The following WDR38 variants were observed in gnomAD, a reference collection of about 807,000 sequenced individuals.
WDR38 encodes the protein WD repeat-containing protein 38.
In WDR38, 37 loss-of-function variants were observed where a neutral mutation model predicts 36.6. That is an observed-to-expected ratio of 1.01 (90% CI 0.78 to 1.33). The LOEUF (loss-of-function observed/expected upper bound fraction) is 1.33. WDR38 is among the 40% of genes most tolerant of loss of function. The probability of loss-of-function intolerance (pLI) is 0.00; values close to 1 mark genes in which losing one functional copy is unlikely to be tolerated. For missense variants in WDR38, 411 were observed against 414.6 expected, an observed-to-expected ratio of 0.99 and a Z score of 0.07; for synonymous variants, 164 against 168.1, an observed-to-expected ratio of 0.98 and a Z score of 0.19.
chr9:124,853,782 C>G (rs546994809), intron 1 of WDR38, among the ~76,000 whole-genome samples, 182 bp downstream of exon 1: 1 of 152,280 alleles, frequency 6.6e-6, no homozygotes, highest in Non-Finnish European at 1.5e-5. Context: ...GGCCCCAGCT[C>G]CAGAGCAGCT....
rs373305974 is a variant in WDR38, at chr9:124,855,838, C to T, written c.308-23C>T. 2.4e-5 allele frequency: 39 copies of T among 1,613,860 alleles called. No homozygotes were observed. In the African/African-American group the frequency reaches 3.5e-4, roughly 14 times the overall value. On this transcript the variant is annotated intron_variant, in intron 3 of 8. Coordinates refer to ENST00000373574, the MANE Select transcript of WDR38 (RefSeq NM_001045476.3). ...TGTCACGTCACCTTTCCACCTTCCC[C>T]GACCCCGGGCTGGTGCCTGCAGGTC...
At position 124,856,855 on chromosome 9, in the gene WDR38, C is replaced by G. The variant is rs1040847778; in HGVS notation, c.742C>G (p.Leu248Val). 3.7e-6 allele frequency: 6 copies of G among 1,614,146 alleles called. No homozygotes were observed. The highest frequency in any genetic ancestry group is 4.2e-6 in the Non-Finnish European group (5 of 1,180,032). The change falls in exon 7 of 9, where the codon CTG (leucine) becomes GTG (valine). Residue 248 changes from leucine to valine, a missense_variant. By Grantham distance (32) the Leu-to-Val change is conservative. Coordinates refer to ENST00000373574, the MANE Select transcript of WDR38 (RefSeq NM_001045476.3). ...SIAFSPDELW[L>V]ASAGYSRMVK... ...AGCCTTCTCTCCCGACGAGCTGTGG[C>G]TGGCCAGCGCCGGCTATTCCCGCAT...
rs776944728 is a variant in WDR38 at position 124,857,476 on chromosome 9, C to T, written c.817-26C>T. Reference sequence around the variant, plus strand: ...GCTTCTCCCAAGGCAGGACTTGCCTCGAGCCCCACCTTCTACTCTTAGCAG... The same window carrying T: ...GCTTCTCCCAAGGCAGGACTTGCCTTGAGCCCCACCTTCTACTCTTAGCAG... On this transcript the variant is annotated intron_variant, in intron 8 of 8. Coordinates refer to ENST00000373574, the MANE Select transcript of WDR38 (RefSeq NM_001045476.3). 21 of 1,614,036 alleles carry T rather than the reference C, an allele frequency of 1.3e-5. No homozygotes were observed. The African/African-American group carries it at 1.3e-4, about 10-fold the overall frequency.
intron 1 of WDR38, 129 bp from the exon 2 acceptor site, chr9:124,854,076 C>G: frequency 1.6e-5 from 23 of 1,460,048 alleles, no homozygotes; most frequent in Non-Finnish European, 2.0e-5. Context: ...GGGTTCTGGG[C>G]TCTGGTGGTG....
chr9:124,854,422 C>A, intron 2 of WDR38, 97 bp downstream of exon 2: 2 of 1,569,462 alleles, frequency 1.3e-6, no homozygotes, highest in South Asian at 2.3e-5. Flanking sequence ...GGCACGGGTG[C>A]AAGGCAGGGC....
At chr9:124,857,000 C>A in intron 7 of WDR38, 119 bp downstream of exon 7, 1 of 1,447,640 alleles carries the variant, frequency 6.9e-7, no homozygotes, top group Non-Finnish European at 9.4e-7. Flanking sequence ...GGGGCAAGGG[C>A]AGGACCTGGG....
At chr9:124,857,332 A>G (rs746691279) in intron 7 of WDR38, 32 bp from the exon 8 acceptor site, 3 of 1,545,226 alleles carry the variant, frequency 1.9e-6, no homozygotes, top group Non-Finnish European at 2.6e-6. Context: ...TGGCCTGGTG[A>G]GGCTTCCTGA....
rs1829062230 is a variant in WDR38 at position 124,856,287 on chromosome 9, G to A, written c.453G>A (p.Gln151=). 2 of 1,614,218 alleles carry A rather than the reference G, an allele frequency of 1.2e-6. No homozygotes were observed. Among genetic ancestry groups the A allele is most frequent in the Non-Finnish European group, 1.7e-6 (2 of 1,180,050 alleles). ...RLLVGHRDSI[Q]SSDFSPTVNC... ...TAGTTGGGCACCGTGACTCCATCCA[G>A]AGCAGCGACTTCTCACCCACGGTGA... is the stretch of plus-strand genomic sequence containing the variant. Residue 151 remains glutamine, a synonymous_variant, in exon 5 of 9, where the codon CAG becomes CAA. Coordinates refer to ENST00000373574, the MANE Select transcript of WDR38 (RefSeq NM_001045476.3).
intron 5 of WDR38, 22 bp from the exon 6 acceptor site, chr9:124,856,447 G>A (rs1200277631): frequency 6.2e-7 from 1 of 1,612,154 alleles, no homozygotes; most frequent in Non-Finnish European, 8.5e-7. Flanking sequence ...GGCTGGGCCA[G>A]ACTCACAGAA....
In WDR38 at chr9:124,857,733, C is replaced by A; in HGVS notation, c.*103C>A. 1 of 1,560,372 alleles carries A rather than the reference C, an allele frequency of 6.4e-7. No homozygotes were observed. Among genetic ancestry groups the A allele is most frequent in the Admixed American group, 1.8e-5 (1 of 56,622 alleles). ...GCAAAGTGACTGTGCTGGCATCCAG[C>A]AGATCCCCATGGCCAGGACTCTCCA... On this transcript the variant is annotated 3_prime_UTR_variant, in exon 9 of 9. Coordinates refer to ENST00000373574, the MANE Select transcript of WDR38 (RefSeq NM_001045476.3).
At chr9:124,854,064 C>A in intron 1 of WDR38, 141 bp from the exon 2 acceptor site, 1 of 1,378,162 alleles carries the variant, frequency 7.3e-7, no homozygotes, top group Non-Finnish European at 9.9e-7. Context: ...CCAGTGGGTC[C>A]CGGGTTCTGG....
rs553080244 is a variant in WDR38 at position 124,855,557 on chromosome 9, G to A, written c.191-77G>A. 3.9e-4 allele frequency: 566 copies of A among 1,448,932 alleles called. 10 individuals carry two copies. In the South Asian group the frequency reaches 5.9e-3, roughly 15 times the overall value. The allele number at this position is 1,448,932 out of a possible 1,614,324, so 89.8% of individuals were successfully genotyped here. ...AGGGGAGGCTGGCGACGAGGCTGGA[G>A]AAATTAGCAAGGATTGGACTGCGTG... On this transcript the variant is annotated intron_variant, in intron 2 of 8. Coordinates refer to ENST00000373574, the MANE Select transcript of WDR38 (RefSeq NM_001045476.3).
intron 2 of WDR38, 137 bp downstream of exon 2, chr9:124,854,462 C>A: frequency 7.5e-7 from 1 of 1,342,088 alleles, no homozygotes; most frequent in Non-Finnish European, 1.0e-6. Context: ...GACGAGATAT[C>A]TGGGTGCTGG....
At chr9:124,856,205 C>A in intron 4 of WDR38, 35 bp from the exon 5 acceptor site, 1 of 1,613,862 alleles carries the variant, frequency 6.2e-7, no homozygotes, top group Non-Finnish European at 8.5e-7. Context: ...GCCGGCTGCC[C>A]TCTGCTGCCT....
chr9:124,856,354 G>C, intron 5 of WDR38, 34 bp downstream of exon 5: 1 of 1,613,872 alleles, frequency 6.2e-7, no homozygotes, highest in Non-Finnish European at 8.5e-7. Flanking sequence ...CCCCACCTCA[G>C]TGGCCCCATA....
At chr9:124,856,167 C>G (rs1829057027) in intron 4 of WDR38, 73 bp from the exon 5 acceptor site, 1 of 1,600,250 alleles carries the variant, frequency 6.2e-7, no homozygotes, top group Admixed American at 1.7e-5. Context: ...CACGAGGTCC[C>G]CCTTTCCTGG....
Position 124,855,551 on chromosome 9 carries a change from G to C in WDR38, c.191-83G>C, listed in dbSNP as rs1008200374. ...TGGGTGAGGGGAGGCTGGCGACGAG[G>C]CTGGAGAAATTAGCAAGGATTGGAC... On this transcript the variant is annotated intron_variant, in intron 2 of 8. Transcript: ENST00000373574. 1.6e-5 allele frequency: 22 copies of C among 1,398,848 alleles called. No individual in the cohort carries two copies. In the African/African-American group the frequency reaches 2.7e-4, roughly 17 times the overall value. 86.7% of individuals were successfully genotyped at this position (1,398,848 alleles called of 1,614,324 possible). A position where few individuals can be genotyped will look rare whatever the true frequency, so the allele number is the denominator to read the frequency against.
At position 124,856,557 on chromosome 9, in the gene WDR38, G is replaced by A; in HGVS notation, c.575G>A (p.Ser192Asn). ...TCCCACCAGGCGCTAGAGGGACACA[G>A]TGCCAACATCAGCTGCCTGTGCTAT... Reference protein sequence around the residue: ...AVSHQALEGHSANISCLCYSA... With the variant: ...AVSHQALEGHNANISCLCYSA... Residue 192 changes from serine (S) to asparagine (N), a missense_variant, in exon 6 of 9, where the codon AGT becomes AAT. Ser to Asn is a conservative substitution (Grantham distance 46). Transcript: ENST00000373574. 6.2e-7 allele frequency: 1 copy of A among 1,613,576 alleles called. No homozygotes were observed. The highest frequency in any genetic ancestry group is 1.3e-5 in the African/African-American group (1 of 75,032).
At chr9:124,856,942 A>G in intron 7 of WDR38, 61 bp downstream of exon 7, 3 of 1,603,986 alleles carry the variant, frequency 1.9e-6, no homozygotes, top group Non-Finnish European at 1.7e-6. Flanking sequence ...AGGAGCCCTC[A>G]GCACTCACTC....
Sources: allele counts gnomAD v4.1 joint callset (sites outside exome capture counted in the v4.1 genomes callset), GRCh38; gene constraint gnomAD v4.1.1; transcripts MANE v1.5; gene names NCBI Gene and HGNC (gene_info 2026-07-23, HGNC 2026-07-21).